The following IMMP2L variants were observed in gnomAD, a reference collection of about 807,000 sequenced individuals.
The protein encoded by IMMP2L is inner mitochondrial membrane peptidase subunit 2, also known as mitochondrial inner membrane protease subunit 2.
In IMMP2L, 18 loss-of-function variants were observed where a neutral mutation model predicts 19.3. The observed-to-expected ratio is 0.93, with a 90% CI of 0.64 to 1.38. The LOEUF (loss-of-function observed/expected upper bound fraction) is 1.38. Among genes scored for constraint, IMMP2L ranks in the 40% most tolerant of loss-of-function variants. The pLI, the probability that IMMP2L is intolerant of heterozygous loss-of-function variation, is 0.00. For synonymous variants in IMMP2L, 76 were observed against 73.0 expected, an observed-to-expected ratio of 1.04 and a Z score of -0.21; for missense variants, 233 against 218.2, an observed-to-expected ratio of 1.07 and a Z score of -0.43.
rs150208334 is a variant in IMMP2L, at chr7:111,281,394, T to C, written c.239+205844A>G. On this transcript the variant is annotated intron_variant, in intron 3 of 5. Transcript: ENST00000405709. ...AAAATTTAGTAACCCCTTAAATACA[T>C]AGGATACAGAGACTAAAAAATGTGG... is the stretch of plus-strand genomic sequence containing the variant. Among the ~76,000 whole-genome samples, 4 of 152,104 alleles carry C rather than the reference T, an allele frequency of 2.6e-5. No homozygotes were observed. In the East Asian group the frequency reaches 5.8e-4, roughly 22 times the overall value.
At chr7:110,962,214 C>T (rs747558612) in intron 4 of IMMP2L, 2 of 151,890 alleles carry the variant, frequency 1.3e-5, no homozygotes, top group Non-Finnish European at 2.9e-5. Flanking sequence ...AGGACTCCTT[C>T]ACATTTTACA....
At chr7:111,124,373 C>A (rs1801030232) in intron 3 of IMMP2L, 1 of 1,613,628 alleles carries the variant, frequency 6.2e-7, no homozygotes, top group Non-Finnish European at 8.5e-7. Flanking sequence ...GATATTCAGG[C>A]CAATTCAGTT....
chr7:111,108,161 T>C (rs1798762533), intron 3 of IMMP2L, among the ~76,000 whole-genome samples: 1 of 152,198 alleles, frequency 6.6e-6, no homozygotes, highest in South Asian at 2.1e-4. Flanking sequence ...TCACAGATTG[T>C]TGATGTATTC....
At chr7:111,327,085 C>G (rs1445186336) in intron 3 of IMMP2L, among the ~76,000 whole-genome samples, 2 of 151,668 alleles carry the variant, frequency 1.3e-5, no homozygotes, top group Non-Finnish European at 2.9e-5. Flanking sequence ...GGAATCCTGC[C>G]AGCATAGATA....
At chr7:110,889,303 T>C (rs924787026) in intron 4 of IMMP2L, among the ~76,000 whole-genome samples, 1 of 152,182 alleles carries the variant, frequency 6.6e-6, no homozygotes, top group African/African-American at 2.4e-5. Flanking sequence ...TACAACTCAC[T>C]ATAATGTGGA....
chr7:111,011,929 T>A (rs1825003611), intron 3 of IMMP2L, among the ~76,000 whole-genome samples: 1 of 152,070 alleles, frequency 6.6e-6, no homozygotes, highest in East Asian at 1.9e-4. Flanking sequence ...TGTATTTCTC[T>A]CTGGGACTTC....
intron 3 of IMMP2L, among the ~76,000 whole-genome samples, chr7:111,261,514 T>C (rs1817309011): frequency 2.6e-5 from 4 of 152,140 alleles, no homozygotes; most frequent in Admixed American, 1.3e-4. Flanking sequence ...AGATCTACTA[T>C]GAACTAAATT....
chr7:111,352,561 C>G (rs982678125), intron 3 of IMMP2L, among the ~76,000 whole-genome samples: 1 of 151,994 alleles, frequency 6.6e-6, no homozygotes, highest in Non-Finnish European at 1.5e-5. Context: ...TTCTGTAGCA[C>G]CAAGTATCAG....
At chr7:111,465,085 G>A (rs773799576) in intron 3 of IMMP2L, among the ~76,000 whole-genome samples, 7 of 151,978 alleles carry the variant, frequency 4.6e-5, no homozygotes, top group Middle Eastern at 3.4e-3. Flanking sequence ...GTGAGCCACC[G>A]CGTCCGGCCA....
At chr7:111,497,610 G>GA (rs1328609137) in intron 2 of IMMP2L, among the ~76,000 whole-genome samples, 1 of 152,020 alleles carries the variant, frequency 6.6e-6, no homozygotes, top group Non-Finnish European at 1.5e-5. Context: ...AGAAAAAAGG[G>GA]AAAAACCTTA....
chr7:111,379,282 T>G (rs2131200647), intron 3 of IMMP2L, among the ~76,000 whole-genome samples: 1 of 149,190 alleles, frequency 6.7e-6, no homozygotes, highest in East Asian at 2.0e-4. Context: ...TCCTACAACA[T>G]AATTCAAACT....
At chr7:110,671,293 T>C (rs1157668546) in intron 5 of IMMP2L, among the ~76,000 whole-genome samples, 1 of 152,196 alleles carries the variant, frequency 6.6e-6, no homozygotes, top group South Asian at 2.1e-4. Flanking sequence ...TAAAATTACA[T>C]ATATGCTATT....
intron 3 of IMMP2L, among the ~76,000 whole-genome samples, chr7:111,064,566 C>A (rs1794317036): frequency 6.6e-6 from 1 of 152,032 alleles, no homozygotes; most frequent in Non-Finnish European, 1.5e-5. Flanking sequence ...CACCATTCAC[C>A]ATCATCCCTA....
chr7:111,411,656 A>T (rs145391685), intron 3 of IMMP2L: 2 of 240,794 alleles, frequency 8.3e-6, no homozygotes, highest in African/African-American at 4.6e-5. Flanking sequence ...CCACCATTGC[A>T]TCACCAAGTC....
intron 5 of IMMP2L, among the ~76,000 whole-genome samples, chr7:110,846,636 G>A (rs1017674402): frequency 6.6e-6 from 1 of 152,096 alleles, no homozygotes; most frequent in African/African-American, 2.4e-5. Context: ...AAAATGCTGA[G>A]ATTACAGGTG....
At chr7:111,235,793 C>A (rs1392846785) in intron 3 of IMMP2L, among the ~76,000 whole-genome samples, 1 of 152,062 alleles carries the variant, frequency 6.6e-6, no homozygotes, top group Non-Finnish European at 1.5e-5. Context: ...CTTTCCTCCT[C>A]TTCAGCAACT....
In IMMP2L at chr7:110,757,303, A is replaced by ACC. The variant is rs1173207580; in HGVS notation, c.409-93584_409-93583dup. Among the ~76,000 whole-genome samples, 1 of 116,020 alleles carries ACC rather than the reference A, an allele frequency of 8.6e-6. No homozygotes were observed. The highest frequency in any genetic ancestry group is 1.0e-4 in the Admixed American group (1 of 10,026). 76.1% of individuals were successfully genotyped at this position (116,020 alleles called of 152,430 possible). A position where few individuals can be genotyped will look rare whatever the true frequency, so the allele number is the denominator to read the frequency against. ...CGTATTTGGTTTAATACTCACCATCACCATCTAGAGCTTAATAATTTTTTA... is the reference window on the plus strand; with the variant it reads ...CGTATTTGGTTTAATACTCACCATCACCCCATCTAGAGCTTAATAATTTTTTA... On this transcript the variant is annotated intron_variant, in intron 5 of 5. Coordinates refer to ENST00000405709, the MANE Select transcript of IMMP2L (RefSeq NM_032549.4). The surrounding 1 kb of genome is among the most constrained non-coding windows in gnomAD (Gnocchi z 4.2).
chr7:111,045,411 T>C (rs1209264980), intron 3 of IMMP2L, among the ~76,000 whole-genome samples: 1 of 152,246 alleles, frequency 6.6e-6, no homozygotes, highest in Non-Finnish European at 1.5e-5. Context: ...CTGCACAATT[T>C]ATTCCCTACA....
At chr7:110,905,859 A>T (rs1812396338) in intron 4 of IMMP2L, among the ~76,000 whole-genome samples, 1 of 152,348 alleles carries the variant, frequency 6.6e-6, no homozygotes, top group South Asian at 2.1e-4. Context: ...ACTGAATTAT[A>T]AAACATGAAA....
Sources: gnomAD v4.1 joint callset for allele counts (sites outside exome capture counted in the v4.1 genomes callset) on GRCh38, gnomAD v4.1.1 for gene constraint, Gnocchi (gnomAD v3.1) non-coding constraint, MANE v1.5 for transcripts, NCBI Gene and HGNC (gene_info 2026-07-23, HGNC 2026-07-21) for gene names.